Variants in GTF2I observed in about 807,000 individuals in gnomAD.
GTF2I encodes the protein general transcription factor II-I.
GTF2I carries 12 observed loss-of-function variants against 67.6 expected under a neutral mutation model. The observed-to-expected ratio is 0.18, with a 90% CI of 0.11 to 0.29. GTF2I has a LOEUF of 0.29. Among genes scored for constraint, GTF2I ranks in the 10% least tolerant of loss-of-function variants. The pLI, the probability that GTF2I is intolerant of heterozygous loss-of-function variation, is 1.00. For missense variants in GTF2I, 271 were observed against 580.1 expected, an observed-to-expected ratio of 0.47 and a Z score of 5.47; for synonymous variants, 149 against 197.0, an observed-to-expected ratio of 0.76 and a Z score of 2.04.
At chr7:74,681,377 G>A (rs1248889909) in intron 1 of GTF2I, among the ~76,000 whole-genome samples, 1 of 152,094 alleles carries the variant, frequency 6.6e-6, no homozygotes, top group African/African-American at 2.4e-5. Flanking sequence ...AGAGGTTGCA[G>A]TGAGCCGAGA....
At chr7:74,668,159 T>C (rs1267332204) in intron 1 of GTF2I, among the ~76,000 whole-genome samples, 1 of 146,324 alleles carries the variant, frequency 6.8e-6, no homozygotes, top group Non-Finnish European at 1.5e-5. Flanking sequence ...TATGTATAGT[T>C]CAGTGGTGCA....
intron 5 of GTF2I, 25 bp from the exon 6 acceptor site, chr7:74,700,581 T>C: frequency 6.2e-7 from 1 of 1,612,190 alleles, no homozygotes. Context: ...CATACGAAGT[T>C]TTGTTTTGTT....
chr7:74,687,415 G>T (rs1265713187), intron 1 of GTF2I: 3 of 170,064 alleles, frequency 1.8e-5, no homozygotes, highest in African/African-American at 2.4e-5. Context: ...TAGAGACAGG[G>T]TTTCACCATG....
chr7:74,750,640 C>G (rs1306426594), intron 26 of GTF2I, among the ~76,000 whole-genome samples: 1 of 80,140 alleles, frequency 1.2e-5, no homozygotes, highest in Non-Finnish European at 2.1e-5. Context: ...GAATCTCGCT[C>G]TGTACCCAAG....
At chr7:74,728,392 C>T (rs868975971) in intron 12 of GTF2I, among the ~76,000 whole-genome samples, 1 of 150,684 alleles carries the variant, frequency 6.6e-6, no homozygotes, top group African/African-American at 2.4e-5. Context: ...GCTTAAATAT[C>T]TTTTCCATCT....
intron 1 of GTF2I, among the ~76,000 whole-genome samples, chr7:74,663,622 TA>T (rs1804709709): frequency 6.6e-6 from 1 of 152,164 alleles, no homozygotes; most frequent in Admixed American, 6.6e-5. Flanking sequence ...TCATTGTTAA[TA>T]ACTGAAAGAA....
At chr7:74,726,911 G>C (rs1793883602) in intron 12 of GTF2I, 1 of 146,674 alleles carries the variant, frequency 6.8e-6, no homozygotes, top group Non-Finnish European at 1.5e-5. Flanking sequence ...TAGATAGATA[G>C]ATAGATAGAT....
At chr7:74,743,734 A>ATAAAG (rs1795233990) in intron 20 of GTF2I, 1 of 399,938 alleles carries the variant, frequency 2.5e-6, no homozygotes, top group African/African-American at 2.1e-5. Context: ...ATACAGGAAA[A>ATAAAG]TTAGCCGGGC....
At chr7:74,686,419 C>G (rs2131275542) in intron 1 of GTF2I, among the ~76,000 whole-genome samples, 1 of 152,232 alleles carries the variant, frequency 6.6e-6, no homozygotes, top group South Asian at 2.1e-4. Flanking sequence ...CAGAAAATTG[C>G]CCTAGTTTCA....
intron 3 of GTF2I, among the ~76,000 whole-genome samples, chr7:74,698,263 G>C (rs1214473828): frequency 6.6e-5 from 10 of 151,140 alleles, no homozygotes; most frequent in African/African-American, 2.4e-4. Context: ...CCTAATTTTT[G>C]TATTTTTAGT....
At position 74,698,572 on chromosome 7, in the gene GTF2I, CCTGGCTATTTTCATTT is replaced by C. The variant is rs1789285603; in HGVS notation, c.239-388_239-373del. On this transcript the variant is annotated intron_variant, in intron 3 of 34. Coordinates refer to ENST00000573035, the MANE Select transcript of GTF2I (RefSeq NM_032999.4). Reference sequence around the variant, plus strand: ...AGGACTGCAGACATACAACACTATACCTGGCTATTTTCATTTTTTTGCAGAGATGTGTCCTTGTTAT... The same window carrying C: ...AGGACTGCAGACATACAACACTATACTTTTGCAGAGATGTGTCCTTGTTAT... Among the ~76,000 whole-genome samples, 2 of 151,860 alleles carry C rather than the reference CCTGGCTATTTTCATTT, an allele frequency of 1.3e-5. 1 individual carries two copies. The highest frequency in any genetic ancestry group is 4.2e-4 in the South Asian group (2 of 4,808).
chr7:74,691,188 T>TTTTC (rs1170190379), intron 3 of GTF2I, 77 bp downstream of exon 3: 150 of 1,078,292 alleles, frequency 1.4e-4, no homozygotes, highest in African/African-American at 3.1e-4. Flanking sequence ...AGTTATATTA[T>TTTTC]TTTCTTTCTT....
At chr7:74,690,713 G>T (rs191237025) in intron 2 of GTF2I, among the ~76,000 whole-genome samples, 1 of 152,104 alleles carries the variant, frequency 6.6e-6, no homozygotes, top group Non-Finnish European at 1.5e-5. Flanking sequence ...CCCAAGTGCT[G>T]TAATTGACAG....
chr7:74,719,710 G>A (rs145372819), intron 12 of GTF2I, among the ~76,000 whole-genome samples: 47 of 152,122 alleles, frequency 3.1e-4, no homozygotes, highest in Non-Finnish European at 5.6e-4. Context: ...ACCTGAGGTC[G>A]GGAGCTCAAG....
chr7:74,675,746 C>T (rs1805846170), intron 1 of GTF2I, among the ~76,000 whole-genome samples: 1 of 152,100 alleles, frequency 6.6e-6, no homozygotes, highest in Admixed American at 6.6e-5. Context: ...CGCAGTGGCT[C>T]ACACCTGTAA....
chr7:74,712,586 C>T (rs1441425673), intron 9 of GTF2I, among the ~76,000 whole-genome samples: 2 of 149,898 alleles, frequency 1.3e-5, no homozygotes, highest in African/African-American at 4.9e-5. Flanking sequence ...GTGAAGCTTA[C>T]ACAGTGGTAC....
chr7:74,685,894 A>T (rs1478621757), intron 1 of GTF2I, among the ~76,000 whole-genome samples: 1 of 151,790 alleles, frequency 6.6e-6, no homozygotes, highest in Non-Finnish European at 1.5e-5. Flanking sequence ...TCTACTAAAA[A>T]ACACAAAAAT....
chr7:74,687,502 C>G, intron 1 of GTF2I: 1 of 959,674 alleles, frequency 1.0e-6, no homozygotes, highest in Non-Finnish European at 1.2e-6. Context: ...GGATTACAGG[C>G]GTGAGCCACC....
At chr7:74,721,594 A>AT (rs1229012971) in intron 12 of GTF2I, among the ~76,000 whole-genome samples, 5 of 152,038 alleles carry the variant, frequency 3.3e-5, no homozygotes, top group African/African-American at 9.6e-5. Flanking sequence ...TAAATTCCTC[A>AT]TTTTTTTAAG....
Sources: gnomAD v4.1 joint callset for allele counts (sites outside exome capture counted in the v4.1 genomes callset) on GRCh38, gnomAD v4.1.1 for gene constraint, MANE v1.5 for transcripts, NCBI Gene and HGNC (gene_info 2026-07-23, HGNC 2026-07-21) for gene names.